The following TOP2A variants were observed in gnomAD, a reference collection of about 807,000 sequenced individuals.
TOP2A encodes the protein DNA topoisomerase 2-alpha.
Under a neutral mutation model 187.2 loss-of-function variants are expected in TOP2A, and 68 were observed. The observed-to-expected ratio is 0.36, with a 90% CI of 0.30 to 0.44. The LOEUF (loss-of-function observed/expected upper bound fraction) is 0.44. Among genes scored for constraint, TOP2A ranks in the 20% least tolerant of loss-of-function variants. The pLI is 1.00. For synonymous variants in TOP2A, 542 were observed against 593.2 expected (o/e 0.91, Z 1.25); for missense variants, 1,196 against 1,808.7 (o/e 0.66, Z 6.14).
chr17:40,396,230 C>G, intron 28 of TOP2A, 53 bp downstream of exon 28: 1 of 998,684 alleles, frequency 1.0e-6, no homozygotes, highest in South Asian at 1.5e-5. Flanking sequence ...ATCCACCCAC[C>G]TTGGCCCCCA....
At chr17:40,401,581 T>C (rs1024472930) in intron 20 of TOP2A, among the ~76,000 whole-genome samples, 5 of 151,970 alleles carry the variant, frequency 3.3e-5, no homozygotes, top group African/African-American at 7.3e-5. Context: ...TGGTGGCGTG[T>C]ACCTGTAATC....
chr17:40,395,586 T>G, intron 28 of TOP2A, 47 bp from the exon 29 acceptor site: 9 of 1,370,874 alleles, frequency 6.6e-6, no homozygotes, highest in Middle Eastern at 1.9e-4. Flanking sequence ...AATTCTGAAC[T>G]ATGGGATTAG....
intron 24 of TOP2A, 78 bp downstream of exon 24, chr17:40,399,794 T>C (rs2035152773): frequency 7.6e-7 from 1 of 1,316,234 alleles, no homozygotes; most frequent in African/African-American, 1.5e-5. Flanking sequence ...TTCTCCACCA[T>C]TACTCTCACC....
chr17:40,395,656 G>T, intron 28 of TOP2A, 117 bp from the exon 29 acceptor site: 1 of 608,502 alleles, frequency 1.6e-6, no homozygotes, highest in Non-Finnish European at 2.7e-6. Context: ...AGCACTTTGG[G>T]AGGCCGTGGT....
chr17:40,404,938 A>C, intron 16 of TOP2A, 55 bp from the exon 17 acceptor site: 1 of 1,039,354 alleles, frequency 9.6e-7, no homozygotes, highest in East Asian at 2.6e-5. Context: ...AATAGGTTCC[A>C]AAATATCCTT....
chr17:40,392,563 A>C, intron 30 of TOP2A, 22 bp downstream of exon 30: 2 of 1,599,772 alleles, frequency 1.3e-6, no homozygotes, highest in Non-Finnish European at 1.7e-6. Context: ...GTTTATCTAT[A>C]ATGTTCTTTA....
Position 40,389,296 on chromosome 17 carries a change from CACAG to C in TOP2A, c.*219_*222del, listed in dbSNP as rs1173667647. On this transcript the variant is annotated 3_prime_UTR_variant, in exon 35 of 35. Transcript: ENST00000423485. ...AAGACAAAAGAAAGCAGACTCAAAA[CACAG>C]ACAAAGCAGAGAAGAAAACAATGCC... 4.8e-6 allele frequency: 2 copies of C among 413,710 alleles called. No homozygotes were observed. The highest frequency in any genetic ancestry group is 3.9e-5 in the East Asian group (1 of 25,522). 25.6% of individuals were successfully genotyped at this position (413,710 alleles called of 1,614,324 possible).
At chr17:40,404,740 C>G (rs2035218146) in intron 17 of TOP2A, 51 bp downstream of exon 17, 2 of 1,240,518 alleles carry the variant, frequency 1.6e-6, no homozygotes, top group Admixed American at 4.0e-5. Flanking sequence ...GTATCAATAC[C>G]AAAAGGTCAG....
intron 33 of TOP2A, 93 bp downstream of exon 33, chr17:40,391,413 A>C: frequency 8.1e-7 from 1 of 1,238,786 alleles, no homozygotes; most frequent in Non-Finnish European, 1.1e-6. Flanking sequence ...TGTAATATCA[A>C]TAGTAAGTTT....
At position 40,406,486 on chromosome 17, in the gene TOP2A, GC is replaced by G. The variant is rs2143664677; in HGVS notation, c.1850del (p.Gly617AlafsTer15). The G allele has an allele frequency of 6.2e-7, 1 of 1,613,414 alleles. No homozygotes were observed. The highest frequency in any genetic ancestry group is 2.2e-5 in the East Asian group (1 of 44,856). ...CTTTAGCTTCCTTTGATGTGCTGGT[GC>G]CCAAACCTATAAAACCAAAAATACC... ...KWKVKYYKGL[G>X]TSTSKEAKEY... On this transcript the variant is annotated frameshift_variant, in exon 16 of 35. Transcript: ENST00000423485. LOFTEE classifies it high-confidence loss of function.
chr17:40,412,877 G>A lies in TOP2A; in HGVS notation c.671C>T (p.Ser224Phe). The change falls in exon 7 of 35, where the codon TCT becomes TTT. Residue 224 changes from serine to phenylalanine, a missense_variant. Physicochemically the swap from Ser to Phe is radical, Grantham distance 155. Around this residue, in one of 10 missense-constraint regions of TOP2A, gnomAD observed 252 missense variants for 434.8 expected, o/e 0.58. Transcript: ENST00000423485. Reference sequence around the variant, plus strand: ...GTCCAGGCTTTGCATTTTAAACTTAGACAAATCAGGCTGAAAGGTGATACA... The same window carrying A: ...GTCCAGGCTTTGCATTTTAAACTTAAACAAATCAGGCTGAAAGGTGATACA... Reference protein sequence around the residue: ...YTCITFQPDLSKFKMQSLDKD... With the variant: ...YTCITFQPDLFKFKMQSLDKD... The A allele has an allele frequency of 6.2e-7, 1 of 1,613,836 alleles. No individual in the cohort carries two copies. Among genetic ancestry groups the A allele is most frequent in the Non-Finnish European group, 8.5e-7 (1 of 1,179,830 alleles).
intron 33 of TOP2A, 25 bp from the exon 34 acceptor site, chr17:40,390,189 C>G: frequency 1.3e-6 from 2 of 1,582,510 alleles, no homozygotes; most frequent in Non-Finnish European, 1.7e-6. Flanking sequence ...AGGCATTTGT[C>G]ACAGCTGCTC....
At chr17:40,403,935 C>A (rs74338550) in intron 19 of TOP2A, among the ~76,000 whole-genome samples, 9 of 152,150 alleles carry the variant, frequency 5.9e-5, no homozygotes, top group Admixed American at 2.0e-4. Flanking sequence ...ACATACTAAG[C>A]ATTTTTTAAT....
chr17:40,408,022 C>G lies in TOP2A; in HGVS notation c.1445G>C (p.Gly482Ala). Residue 482 changes from glycine to alanine, a missense_variant, in exon 12 of 35, where the codon GGG becomes GCG. Coordinates refer to ENST00000423485, the MANE Select transcript of TOP2A (RefSeq NM_001067.4). ...TATTTTTCCTCTAAGAGGGAAAACC[C>G]CATATTTGTCTCTCCCAACCACACC... ...GLGVVGRDKY[G>A]VFPLRGKILN... The G allele has an allele frequency of 6.2e-7, 1 of 1,613,512 alleles. No homozygotes were observed. The highest frequency in any genetic ancestry group is 8.5e-7 in the Non-Finnish European group (1 of 1,179,666).
In TOP2A at chr17:40,398,625, G is replaced by A. The variant is rs760478531; in HGVS notation, c.3470C>T (p.Thr1157Ile). The change falls in exon 27 of 35, where the codon ACA becomes ATA. Residue 1157 changes from threonine to isoleucine, a missense_variant. This residue lies in a region of TOP2A where 22 missense variants were observed against 21.1 expected (regional missense o/e 1.04). Coordinates refer to ENST00000423485, the MANE Select transcript of TOP2A (RefSeq NM_001067.4). ...ATCTGATGGACTCTTTCTTTTTAAT[G>A]TGTCCAGCTCTTGTTCCTTCATAAG... ...LRNEKEQELD[T>I]LKRKSPSDLW... The A allele has an allele frequency of 2.9e-5, 47 of 1,596,922 alleles. No homozygotes were observed. Among genetic ancestry groups the A allele is most frequent in the Non-Finnish European group, 3.8e-5 (44 of 1,170,372 alleles).
At chr17:40,395,820 G>A (rs1598609417) in intron 28 of TOP2A, among the ~76,000 whole-genome samples, 2 of 151,806 alleles carry the variant, frequency 1.3e-5, no homozygotes, top group Admixed American at 1.3e-4. Flanking sequence ...TACGGGAGGC[G>A]GAGGTTGCTG....
chr17:40,392,327 T>C lies in TOP2A; in HGVS notation c.3979A>G (p.Thr1327Ala), dbSNP rs1267901541. ...TCTTCATCTGAATCCAAATCCATTG[T>C]GAATTTTGTTTTTGCTAGTAAAAAA... is the stretch of plus-strand genomic sequence containing the variant. ...PRRAATKTKF[T>A]MDLDSDEDFS... is the part of the protein sequence containing the mutation. Residue 1327 changes from threonine to alanine, a missense_variant, in exon 31 of 35, where the codon ACA becomes GCA. Thr to Ala is a moderately conservative substitution (Grantham distance 58). This residue lies in a region of TOP2A where 374 missense variants were observed against 403.3 expected (regional missense o/e 0.93). Coordinates refer to ENST00000423485, the MANE Select transcript of TOP2A (RefSeq NM_001067.4). 12 of 1,589,532 alleles carry C rather than the reference T, an allele frequency of 7.5e-6. No individual in the cohort carries two copies. Among genetic ancestry groups the C allele is most frequent in the African/African-American group, 1.3e-5 (1 of 74,488 alleles).
chr17:40,397,087 G>C (rs983181502), intron 27 of TOP2A, among the ~76,000 whole-genome samples: 1 of 151,838 alleles, frequency 6.6e-6, no homozygotes, highest in African/African-American at 2.4e-5. Context: ...GTCTTGCTAC[G>C]TTACCCAAGC....
chr17:40,413,688 A>T, intron 4 of TOP2A, 63 bp from the exon 5 acceptor site: 1 of 801,510 alleles, frequency 1.2e-6, no homozygotes, highest in Non-Finnish European at 1.9e-6. Flanking sequence ...AACATTTAAA[A>T]ATATTTAAAT....
Sources: allele counts gnomAD v4.1 joint callset (sites outside exome capture counted in the v4.1 genomes callset), GRCh38; gene constraint gnomAD v4.1.1; regional missense constraint gnomAD v4.1.1; transcripts MANE v1.5; gene names NCBI Gene and HGNC (gene_info 2026-07-23, HGNC 2026-07-21).